B3GALT5: variants seen among roughly 807,000 people sequenced by gnomAD.
B3GALT5 encodes the protein UDP-Gal:betaGlcNAc beta 1,3-galactosyltransferase, polypeptide 5.
For synonymous variants in B3GALT5, 156 were observed against 158.6 expected, an observed-to-expected ratio of 0.98 and a Z score of 0.12; for missense variants, 328 against 396.6, an observed-to-expected ratio of 0.83 and a Z score of 1.47.
chr21:39,630,468 C>CTGCTTGGGAATCAGTGACTCACTCGGAAG (rs2079186088), intron 1 of B3GALT5: 1 of 152,216 alleles, frequency 6.6e-6, no homozygotes, highest in African/African-American at 2.4e-5. Flanking sequence ...TCACTCGGAA[C>CTGCTTGGGAATCAGTGACTCACTCGGAAG]TGCTTGGGAA....
chr21:39,636,199 A>T (rs1029885943), intron 1 of B3GALT5, among the ~76,000 whole-genome samples: 1 of 152,216 alleles, frequency 6.6e-6, no homozygotes, highest in African/African-American at 2.4e-5. Flanking sequence ...TAATTGAGAA[A>T]ATGCATGTAA....
rs369617028 is a variant in B3GALT5 at position 39,661,513 on chromosome 21, C to A, written c.*21C>A. The stretch of plus-strand genomic sequence containing the variant: ...TCTGAGGGGAGCCCAGAGGCACATC[C>A]GGACAAGTTTCAGATAACCCGTGGG... On this transcript the variant is annotated 3_prime_UTR_variant, in exon 4 of 4. Coordinates refer to ENST00000684187, the MANE Select transcript of B3GALT5 (RefSeq NM_001356336.2). The surrounding 1 kb of genome is among the most constrained non-coding windows in gnomAD (Gnocchi z 4.7). 3 of 1,489,780 alleles carry A rather than the reference C, an allele frequency of 2.0e-6. No individual in the cohort carries two copies. In the South Asian group the frequency reaches 4.4e-5, roughly 22 times the overall value. The allele number at this position is 1,489,780 out of a possible 1,614,324, so 92.3% of individuals were successfully genotyped here.
rs2079522301 is a variant in B3GALT5, at chr21:39,661,414, C to T, written c.855C>T (p.His285=). ...TCTTCAGGAGGATCGTGGCCTGCCACTTCATCAAGCCTCGGACTCTCTTGG... is the reference window on the plus strand; with the variant it reads ...TCTTCAGGAGGATCGTGGCCTGCCATTTCATCAAGCCTCGGACTCTCTTGG... ...VCLFRRIVAC[H]FIKPRTLLDY... The change falls in exon 4 of 4, where the codon CAC becomes CAT. Residue 285 remains histidine, a synonymous_variant. Transcript: ENST00000684187. The surrounding 1 kb of genome is among the most constrained non-coding windows in gnomAD (Gnocchi z 4.7). 7 of 1,557,302 alleles carry T rather than the reference C, an allele frequency of 4.5e-6. No homozygotes were observed. The highest frequency in any genetic ancestry group is 5.2e-6 in the Non-Finnish European group (6 of 1,153,806).
rs372655965 is a variant in B3GALT5, at chr21:39,661,381, C to T, written c.822C>T (p.Ser274=). Residue 274 remains serine (S), a synonymous_variant, in exon 4 of 4, where the codon TCC becomes TCT. Transcript: ENST00000684187. The surrounding 1 kb of genome is among the most constrained non-coding windows in gnomAD (Gnocchi z 4.7). ...TTTTTCCAGGGGGCTTACGCTTCTCCGTATGCCTCTTCAGGAGGATCGTGG... is the reference window on the plus strand; with the variant it reads ...TTTTTCCAGGGGGCTTACGCTTCTCTGTATGCCTCTTCAGGAGGATCGTGG... ...PTFFPGGLRF[S]VCLFRRIVAC... The T allele has an allele frequency of 2.8e-5, 45 of 1,595,604 alleles. No individual in the cohort carries two copies. The highest frequency in any genetic ancestry group is 4.6e-5 in the South Asian group (4 of 86,966).
At chr21:39,636,278 A>G (rs1054914098) in intron 1 of B3GALT5, among the ~76,000 whole-genome samples, 2 of 152,208 alleles carry the variant, frequency 1.3e-5, no homozygotes, top group East Asian at 1.9e-4. Context: ...TCCTCAAGAA[A>G]TTAACAGAAT....
Position 39,648,833 on chromosome 21 carries a change from G to A in B3GALT5, c.-161+2211G>A, listed in dbSNP as rs193235446. Among the ~76,000 whole-genome samples, 9 of 152,216 alleles carry A rather than the reference G, an allele frequency of 5.9e-5. No homozygotes were observed. The South Asian group carries it at 8.3e-4, about 14-fold the overall frequency. On this transcript the variant is annotated intron_variant, in intron 2 of 3. Transcript: ENST00000684187. ...GTGGAGCGCTCGTGATGAGATGAGC[G>A]TCCCTGTAGAAAGAGGCACCAGGGC...
rs979907846 is a variant in B3GALT5 at position 39,672,467 on chromosome 21, A to G, written c.*10975A>G. On this transcript the variant is annotated 3_prime_UTR_variant, in exon 4 of 4. Coordinates refer to ENST00000684187, the MANE Select transcript of B3GALT5 (RefSeq NM_001356336.2). ...TCACTGAATGCTATTTGAAACTGTC[A>G]TTTCCTTGTATATTAGGGGGATCTG... 20 of 152,278 alleles carry G rather than the reference A, an allele frequency of 1.3e-4. No individual in the cohort carries two copies. The highest frequency in any genetic ancestry group is 4.3e-4 in the African/African-American group (18 of 41,564). 9.4% of individuals were successfully genotyped at this position (152,278 alleles called of 1,614,324 possible). A position where few individuals can be genotyped will look rare whatever the true frequency, so the allele number is the denominator to read the frequency against.
intron 1 of B3GALT5, among the ~76,000 whole-genome samples, chr21:39,621,994 A>G (rs1569206248): frequency 6.6e-6 from 1 of 152,040 alleles, no homozygotes; most frequent in Admixed American, 6.5e-5. Flanking sequence ...TATATGCTTA[A>G]TGTATTCTAC....
At chr21:39,649,935 C>A (rs970522399) in intron 2 of B3GALT5, among the ~76,000 whole-genome samples, 2 of 152,160 alleles carry the variant, frequency 1.3e-5, no homozygotes, top group East Asian at 1.9e-4. Context: ...GGATGAGGAT[C>A]CAGAGGCACC....
At chr21:39,658,554 G>A (rs2079473373) in intron 2 of B3GALT5, among the ~76,000 whole-genome samples, 1 of 151,924 alleles carries the variant, frequency 6.6e-6, no homozygotes, top group South Asian at 2.1e-4. Context: ...CTAATCAGCT[G>A]CATATCTTAG....
intron 2 of B3GALT5, among the ~76,000 whole-genome samples, chr21:39,652,436 G>GTTC (rs1249800520): frequency 6.6e-6 from 1 of 152,260 alleles, no homozygotes; most frequent in Non-Finnish European, 1.5e-5. Context: ...GAGGCAGGCA[G>GTTC]TGTTATTGCC....
chr21:39,640,418 G>A (rs1304914251), intron 1 of B3GALT5, among the ~76,000 whole-genome samples: 1 of 152,136 alleles, frequency 6.6e-6, no homozygotes, highest in Non-Finnish European at 1.5e-5. Context: ...CCCTGGTTCA[G>A]ACCCTCTTCC....
chr21:39,620,761 G>A (rs763172681), intron 1 of B3GALT5, among the ~76,000 whole-genome samples: 9 of 152,096 alleles, frequency 5.9e-5, no homozygotes, highest in Non-Finnish European at 1.0e-4. Flanking sequence ...GCCTGAATTA[G>A]CAATTGATTT....
chr21:39,651,304 G>A (rs1369563781), intron 2 of B3GALT5, among the ~76,000 whole-genome samples: 1 of 152,210 alleles, frequency 6.6e-6, no homozygotes, highest in East Asian at 1.9e-4. Context: ...TCAGGGCTCT[G>A]GAGGCTGGAA....
At chr21:39,643,723 A>T (rs570114130) in intron 1 of B3GALT5, among the ~76,000 whole-genome samples, 1 of 152,286 alleles carries the variant, frequency 6.6e-6, no homozygotes, top group African/African-American at 2.4e-5. Context: ...GCTTTTTATT[A>T]TGTGTGCTTA....
chr21:39,647,779 C>G (rs527371430), intron 2 of B3GALT5, among the ~76,000 whole-genome samples: 24 of 152,294 alleles, frequency 1.6e-4, no homozygotes, highest in African/African-American at 5.5e-4. Context: ...ACCATTAGGG[C>G]AACAAGCTTC....
Position 39,659,734 on chromosome 21 carries a change from C to CT in B3GALT5, c.-160-6dup, listed in dbSNP as rs56684550. ...AGGCACGAGTGATTTGAATGACACT[C>CT]TTTTTTTTTTTTTCCTAGTGATTCC... is the stretch of plus-strand genomic sequence containing the variant. On this transcript the variant is annotated intron_variant, in intron 2 of 3. Coordinates refer to ENST00000684187, the MANE Select transcript of B3GALT5 (RefSeq NM_001356336.2). 0.075 allele frequency: 48,008 copies of CT among 641,892 alleles called. 9 individuals are homozygous for CT. The highest frequency in any genetic ancestry group is 0.083 in the Non-Finnish European group (42,976 of 519,704). 39.8% of individuals were successfully genotyped at this position (641,892 alleles called of 1,614,324 possible). A position where few individuals can be genotyped will look rare whatever the true frequency, so the allele number is the denominator to read the frequency against.
intron 2 of B3GALT5, among the ~76,000 whole-genome samples, chr21:39,655,673 C>T (rs777096024): frequency 6.6e-5 from 10 of 152,142 alleles, no homozygotes; most frequent in African/African-American, 9.7e-5. Flanking sequence ...AGAGGTGAGT[C>T]GTCCTGCAGC....
At chr21:39,657,654 C>G in intron 2 of B3GALT5, 1 of 296,050 alleles carries the variant, frequency 3.4e-6, no homozygotes, top group Non-Finnish European at 5.9e-6. Context: ...AATTTCTTCT[C>G]ATCTATCTGT....
Sources: gnomAD v4.1 joint callset for allele counts (sites outside exome capture counted in the v4.1 genomes callset) on GRCh38, gnomAD v4.1.1 for gene constraint, Gnocchi (gnomAD v3.1) non-coding constraint, MANE v1.5 for transcripts, NCBI Gene and HGNC (gene_info 2026-07-23, HGNC 2026-07-21) for gene names.